ZNF789: variants seen among roughly 807,000 people sequenced by gnomAD.
ZNF789 encodes zinc finger protein 789.
Under a neutral mutation model 15.6 loss-of-function variants are expected in ZNF789, and 11 were observed. The ratio of observed to expected loss-of-function variants is 0.70; its 90% CI spans 0.44 to 1.16. The LOEUF (loss-of-function observed/expected upper bound fraction) is 1.16. Among genes scored for constraint, ZNF789 ranks in the 50% most tolerant of loss-of-function variants. ZNF789 has a pLI of 0.00. For missense variants in ZNF789, 461 were observed against 512.6 expected, an observed-to-expected ratio of 0.90 and a Z score of 0.97; for synonymous variants, 159 against 176.0, an observed-to-expected ratio of 0.90 and a Z score of 0.76.
chr7:99,473,761 C>CA (rs372564319), intron 1 of ZNF789, among the ~76,000 whole-genome samples: 3 of 152,208 alleles, frequency 2.0e-5, no homozygotes, highest in African/African-American at 7.2e-5. Flanking sequence ...GCGGGGACTA[C>CA]AGGCACGCGC....
At chr7:99,477,715 G>T (rs190475132) in intron 2 of ZNF789, among the ~76,000 whole-genome samples, 3 of 152,278 alleles carry the variant, frequency 2.0e-5, no homozygotes, top group East Asian at 1.9e-4. Context: ...GGAGGCTGAG[G>T]GGGGTGGATT....
rs796551556 is a variant in ZNF789 at position 99,473,781 on chromosome 7, C to T, written c.-55+725C>T. Reference sequence around the variant, plus strand: ...GACTACAGGCACGCGCCACCATGCCCGGCTAATTTTTGTATTTTTAGTGGA... The same window carrying T: ...GACTACAGGCACGCGCCACCATGCCTGGCTAATTTTTGTATTTTTAGTGGA... On this transcript the variant is annotated intron_variant, in intron 1 of 4. Transcript: ENST00000331410. 5.9e-5 allele frequency among the ~76,000 whole-genome samples: 9 copies of T among 152,272 alleles called. No homozygotes were observed. In the East Asian group the frequency reaches 1.7e-3, roughly 29 times the overall value.
At chr7:99,482,220 C>T (rs6952385) in intron 3 of ZNF789, 1 of 779,140 alleles carries the variant, frequency 1.3e-6, no homozygotes, top group Non-Finnish European at 2.4e-6. Flanking sequence ...GCACATTCAT[C>T]TTGGTTGCAA....
At chr7:99,478,302 C>T (rs1799438336) in intron 2 of ZNF789, 2 of 1,289,418 alleles carry the variant, frequency 1.6e-6, no homozygotes, top group Non-Finnish European at 2.0e-6. Flanking sequence ...CTGAGTAGGT[C>T]AGATTGAGGA....
chr7:99,487,400 A>G lies in ZNF789; in HGVS notation c.1190A>G (p.Tyr397Cys). ...GTCATTCACACTGGAAGCCAACCCT[A>G]CCAATGTGTCATATGTGGAAAATCT... ...HQVIHTGSQP[Y>C]QCVICGKSFK... The change falls in exon 5 of 5, where the codon TAC (tyrosine) becomes TGC (cysteine). Residue 397 changes from tyrosine to cysteine, a missense_variant. By Grantham distance (194) the Tyr-to-Cys change is radical. Transcript: ENST00000331410. 1.9e-6 allele frequency: 3 copies of G among 1,614,232 alleles called. No individual in the cohort carries two copies. The highest frequency in any genetic ancestry group is 2.5e-6 in the Non-Finnish European group (3 of 1,180,048).
In ZNF789 at chr7:99,487,501, A is replaced by G. The variant is rs1800035691; in HGVS notation, c.*13A>G. On this transcript the variant is annotated 3_prime_UTR_variant, in exon 5 of 5. Coordinates refer to ENST00000331410, the MANE Select transcript of ZNF789 (RefSeq NM_213603.3). The stretch of plus-strand genomic sequence containing the variant: ...GATATCCACATGATGTTAATTGGAA[A>G]GCAGTCATTGGAGAACTAGAACTTA... The G allele has an allele frequency of 1.3e-6, 2 of 1,599,730 alleles. No homozygotes were observed. The highest frequency in any genetic ancestry group is 1.7e-6 in the Non-Finnish European group (2 of 1,172,354).
chr7:99,476,333 G>A (rs1348410287), intron 1 of ZNF789, 70 bp from the exon 2 acceptor site: 10 of 1,077,556 alleles, frequency 9.3e-6, no homozygotes, highest in Middle Eastern at 2.1e-4. Context: ...TTGGAATTCC[G>A]GGTCCCAGAT....
rs778378153 is a variant in ZNF789 at position 99,487,536 on chromosome 7, A to C, written c.*48A>C. 1.3e-6 allele frequency: 2 copies of C among 1,550,252 alleles called. No homozygotes were observed. The highest frequency in any genetic ancestry group is 2.0e-5 in the Admixed American group (1 of 49,160). On this transcript the variant is annotated 3_prime_UTR_variant, in exon 5 of 5. Coordinates refer to ENST00000331410, the MANE Select transcript of ZNF789 (RefSeq NM_213603.3). ...GGAGAACTAGAACTTATAAACCTCT[A>C]CTTCAAGTGTGTATCACGTAATTGT...
In ZNF789 at chr7:99,486,645, T is replaced by C; in HGVS notation, c.435T>C (p.Thr145=). ...FVDSCRLTFP[T]SGDEYSRGFL... ...ACAGTTGCAGGCTTACTTTCCCTAC[T>C]AGTGGTGATGAATACAGCAGGGGCT... Residue 145 remains threonine (T), a synonymous_variant, in exon 5 of 5, where the codon ACT becomes ACC. Coordinates refer to ENST00000331410, the MANE Select transcript of ZNF789 (RefSeq NM_213603.3). 6.2e-7 allele frequency: 1 copy of C among 1,614,222 alleles called. No homozygotes were observed. Among genetic ancestry groups the C allele is most frequent in the East Asian group, 2.2e-5 (1 of 44,892 alleles).
chr7:99,479,305 C>G (rs961952903), intron 2 of ZNF789: 4 of 183,898 alleles, frequency 2.2e-5, no homozygotes, highest in Non-Finnish European at 4.5e-5. Flanking sequence ...CTTACTTGTC[C>G]ACGGCTGCTT....
intron 4 of ZNF789, chr7:99,485,269 C>T (rs1282631714): frequency 3.0e-5 from 45 of 1,497,622 alleles, no homozygotes; most frequent in Non-Finnish European, 3.7e-5. Flanking sequence ...TTTGGGCTGA[C>T]GAATTCTTTG....
rs1336050156 is a variant in ZNF789 at position 99,476,434 on chromosome 7, C to T, written c.-23C>T. 6.2e-7 allele frequency: 1 copy of T among 1,606,398 alleles called. No individual in the cohort carries two copies. The highest frequency in any genetic ancestry group is 8.5e-7 in the Non-Finnish European group (1 of 1,177,014). On this transcript the variant is annotated 5_prime_UTR_variant, in exon 2 of 5. Transcript: ENST00000331410. The stretch of plus-strand genomic sequence containing the variant: ...CAGACGTCCAGGATCCCACCCCTTG[C>T]AAAAGACCAGGCCGTGGAAGCCATG...
At position 99,486,944 on chromosome 7, in the gene ZNF789, C is replaced by T. The variant is rs149550046; in HGVS notation, c.734C>T (p.Thr245Met). The T allele has an allele frequency of 5.2e-4, 833 of 1,614,104 alleles. 3 individuals are homozygous for T. The African/African-American group carries it at 0.01, about 20-fold the overall frequency. The change falls in exon 5 of 5, where the codon ACG becomes ATG. Residue 245 changes from threonine to methionine, a missense_variant. Physicochemically the swap from Thr to Met is moderately conservative, Grantham distance 81 (BLOSUM62 -1). Transcript: ENST00000331410. ...GQAFRQRSAL[T>M]VHKQCHLQNK... Reference sequence around the variant, plus strand: ...GCCTTCAGACAGCGGTCAGCTCTTACGGTCCATAAACAGTGTCACCTGCAA... The same window carrying T: ...GCCTTCAGACAGCGGTCAGCTCTTATGGTCCATAAACAGTGTCACCTGCAA...
At chr7:99,484,256 C>T in intron 4 of ZNF789, 113 bp downstream of exon 4, 1 of 751,278 alleles carries the variant, frequency 1.3e-6, no homozygotes. Context: ...ATATATTATC[C>T]CACTTCTTCA....
At chr7:99,479,560 C>T in intron 2 of ZNF789, 101 bp from the exon 3 acceptor site, 1 of 1,412,550 alleles carries the variant, frequency 7.1e-7, no homozygotes, top group Non-Finnish European at 9.3e-7. Flanking sequence ...GCCCTTGGCC[C>T]ACACTCTACC....
Position 99,487,327 on chromosome 7 carries a change from G to C in ZNF789, c.1117G>C (p.Glu373Gln). ...AAAGGAGGAATTCTTTCAATGTGGA[G>C]AATGTGGGAAAACGTTTAGTTTTAA... is the stretch of plus-strand genomic sequence containing the variant. ...HTKEEFFQCG[E>Q]CGKTFSFKRN... is the part of the protein sequence containing the mutation. The change falls in exon 5 of 5, where the codon GAA becomes CAA. Residue 373 changes from glutamate (E) to glutamine (Q), a missense_variant. Transcript: ENST00000331410. 6.2e-7 allele frequency: 1 copy of C among 1,614,228 alleles called. No individual in the cohort carries two copies. The highest frequency in any genetic ancestry group is 1.1e-5 in the South Asian group (1 of 91,090).
intron 1 of ZNF789, among the ~76,000 whole-genome samples, chr7:99,474,593 C>CAA (rs770329262): frequency 2.8e-5 from 3 of 105,664 alleles, no homozygotes; most frequent in African/African-American, 1.1e-4. Flanking sequence ...GACTCCACCT[C>CAA]AAAAAAAAAA....
At position 99,487,401 on chromosome 7, in the gene ZNF789, C is replaced by T; in HGVS notation, c.1191C>T (p.Tyr397=). The T allele has an allele frequency of 6.2e-7, 1 of 1,614,228 alleles. No homozygotes were observed. Among genetic ancestry groups the T allele is most frequent in the Non-Finnish European group, 8.5e-7 (1 of 1,180,042 alleles). ...HQVIHTGSQP[Y]QCVICGKSFK... is the part of the protein sequence containing the mutation. ...TCATTCACACTGGAAGCCAACCCTACCAATGTGTCATATGTGGAAAATCTT... is the reference window on the plus strand; with the variant it reads ...TCATTCACACTGGAAGCCAACCCTATCAATGTGTCATATGTGGAAAATCTT... Residue 397 remains tyrosine, a synonymous_variant, in exon 5 of 5, where the codon TAC becomes TAT. Transcript: ENST00000331410.
At chr7:99,476,512 C>G (rs759367546) in intron 2 of ZNF789, 32 bp downstream of exon 2, 7 of 1,609,136 alleles carry the variant, frequency 4.4e-6, no homozygotes, top group Admixed American at 3.4e-5. Flanking sequence ...GCTTCATCAG[C>G]ATAGTCACTG....
Sources: allele counts gnomAD v4.1 joint callset (sites outside exome capture counted in the v4.1 genomes callset), GRCh38; gene constraint gnomAD v4.1.1; transcripts MANE v1.5; gene names NCBI Gene and HGNC (gene_info 2026-07-23, HGNC 2026-07-21).